The following FMN2 variants were observed in gnomAD, a reference collection of about 807,000 sequenced individuals.
The protein encoded by FMN2 is formin-2.
FMN2 carries 51 observed loss-of-function variants against 142.3 expected under a neutral mutation model. The ratio of observed to expected loss-of-function variants is 0.36; its 90% CI spans 0.29 to 0.45. The LOEUF (loss-of-function observed/expected upper bound fraction) is 0.45, where lower values mean the gene tolerates loss of function less well. Ranked by LOEUF, FMN2 falls within the 20% of genes least tolerant of loss-of-function variation. The pLI, the probability that FMN2 is intolerant of heterozygous loss-of-function variation, is 1.00. For missense variants in FMN2, 1,936 were observed against 2,122.8 expected (o/e 0.91, Z 1.73); for synonymous variants, 882 against 869.8 (o/e 1.01, Z -0.25).
At chr1:240,419,140 GACTT>G (rs1453409903) in intron 15 of FMN2, among the ~76,000 whole-genome samples, 1 of 152,034 alleles carries the variant, frequency 6.6e-6, no homozygotes, top group Non-Finnish European at 1.5e-5. Context: ...TAAATAAAAA[GACTT>G]ACAGGCAGAT....
chr1:240,220,256 C>T (rs755647343), intron 6 of FMN2, among the ~76,000 whole-genome samples: 1 of 152,168 alleles, frequency 6.6e-6, no homozygotes, highest in Non-Finnish European at 1.5e-5. Flanking sequence ...GCAAGAGTCT[C>T]TGACAGTTGA....
At chr1:240,122,069 T>TTAAA (rs1001916885) in intron 1 of FMN2, among the ~76,000 whole-genome samples, 4 of 144,158 alleles carry the variant, frequency 2.8e-5, no homozygotes, top group Non-Finnish European at 6.1e-5. Flanking sequence ...CCAAAATTAA[T>TTAAA]TAATTAATTT....
At position 240,329,487 on chromosome 1, in the gene FMN2, A is replaced by G; in HGVS notation, c.4437+19A>G. 1 of 1,607,972 alleles carries G rather than the reference A, an allele frequency of 6.2e-7. No individual in the cohort carries two copies. ...GTGTGAGGTGAGTTCTGGTCCAAAG[A>G]GAGCTGAACTTGAGTCTCATTTAAT... On this transcript the variant is annotated intron_variant, in intron 10 of 17. Transcript: ENST00000319653.
Position 240,110,097 on chromosome 1 carries a change from T to G in FMN2, c.1616-13082T>G, listed in dbSNP as rs577101760. On this transcript the variant is annotated intron_variant, in intron 1 of 17. Coordinates refer to ENST00000319653, the MANE Select transcript of FMN2 (RefSeq NM_020066.5). ...GGCTTTGGTTGTTGTAAGTAGGTTGTTAGCCCCTGCAGGGCACAGACCGCA... is the reference window on the plus strand; with the variant it reads ...GGCTTTGGTTGTTGTAAGTAGGTTGGTAGCCCCTGCAGGGCACAGACCGCA... Among the ~76,000 whole-genome samples, 3 of 152,328 alleles carry G rather than the reference T, an allele frequency of 2.0e-5. No individual in the cohort carries two copies. In the East Asian group the frequency reaches 5.8e-4, roughly 29 times the overall value.
At chr1:240,315,587 G>C (rs1388089082) in intron 8 of FMN2, among the ~76,000 whole-genome samples, 1 of 152,188 alleles carries the variant, frequency 6.6e-6, no homozygotes, top group African/African-American at 2.4e-5. Flanking sequence ...ACATACAAGT[G>C]TTCAAGACTT....
Position 240,228,303 on chromosome 1 carries a change from C to CAA in FMN2, c.4065+17096_4065+17097dup, listed in dbSNP as rs577421634. On this transcript the variant is annotated intron_variant, in intron 6 of 17. Coordinates refer to ENST00000319653, the MANE Select transcript of FMN2 (RefSeq NM_020066.5). ...GGGCAACAAGAGTGAAACTCTGTCTCAAAAAAAAAAAAAAAAAAAAAAAAA... is the reference window on the plus strand; with the variant it reads ...GGGCAACAAGAGTGAAACTCTGTCTCAAAAAAAAAAAAAAAAAAAAAAAAAAA... Among the ~76,000 whole-genome samples the CAA allele has an allele frequency of 8.2e-3, 393 of 47,726 alleles. 29 individuals carry two copies. Among genetic ancestry groups the CAA allele is most frequent in the Non-Finnish European group, 0.014 (304 of 22,452 alleles). The allele number at this position is 47,726 out of a possible 152,430, so 31.3% of individuals were successfully genotyped here.
chr1:240,100,530 TA>T (rs1417466671), intron 1 of FMN2, among the ~76,000 whole-genome samples: 1 of 152,176 alleles, frequency 6.6e-6, no homozygotes, highest in Non-Finnish European at 1.5e-5. Flanking sequence ...TAAAGCAAGG[TA>T]GTCATAACAT....
chr1:240,337,854 T>C (rs1007645484), intron 13 of FMN2, among the ~76,000 whole-genome samples: 6 of 152,228 alleles, frequency 3.9e-5, no homozygotes, highest in Non-Finnish European at 7.3e-5. Flanking sequence ...GTTTAGTTTC[T>C]CTGCTCACTC....
rs1661022334 is a variant in FMN2, at chr1:240,092,562, G to A, written c.453G>A (p.Glu151=). 7 of 1,613,274 alleles carry A rather than the reference G, an allele frequency of 4.3e-6. No individual in the cohort carries two copies. The highest frequency in any genetic ancestry group is 5.9e-6 in the Non-Finnish European group (7 of 1,179,844). The part of the protein sequence containing the change: ...VTGPGGPGPA[E]ARVGGRPIAE... ...GTCCAGGGGGTCCTGGGCCTGCCGA[G>A]GCTAGGGTCGGGGGCCGGCCGATCG... The change falls in exon 1 of 18, where the codon GAG becomes GAA. Residue 151 remains glutamate (E), a synonymous_variant. Transcript: ENST00000319653.
intron 8 of FMN2, among the ~76,000 whole-genome samples, chr1:240,318,248 C>T (rs1373691356): frequency 6.6e-6 from 1 of 152,256 alleles, no homozygotes; most frequent in South Asian, 2.1e-4. Context: ...CACTTCATAG[C>T]GCTGGAGTGA....
intron 6 of FMN2, among the ~76,000 whole-genome samples, chr1:240,227,720 G>T (rs1455095076): frequency 6.6e-6 from 1 of 152,096 alleles, no homozygotes; most frequent in African/African-American, 2.4e-5. Flanking sequence ...TTCAACAAAT[G>T]GTGTTGGGAC....
rs959372052 is a variant in FMN2 at position 240,257,940 on chromosome 1, A to G, written c.4066-5A>G. 1 of 1,611,872 alleles carries G rather than the reference A, an allele frequency of 6.2e-7. No individual in the cohort carries two copies. Among genetic ancestry groups the G allele is most frequent in the Middle Eastern group, 1.7e-4 (1 of 6,054 alleles). ...TTTTCCCCTTTTACTTTCTTTCTCG[A>G]GCAGGTTGTCAAGTTATTAAGCAAC... On this transcript the variant is annotated splice_polypyrimidine_tract_variant and splice_region_variant and intron_variant, in intron 6 of 17. Coordinates refer to ENST00000319653, the MANE Select transcript of FMN2 (RefSeq NM_020066.5).
chr1:240,381,173 C>A (rs559048235), intron 14 of FMN2, among the ~76,000 whole-genome samples: 1 of 152,024 alleles, frequency 6.6e-6, no homozygotes. Flanking sequence ...AACAGTATGA[C>A]CCTGGTACCA....
At chr1:240,226,542 A>G (rs1350121683) in intron 6 of FMN2, among the ~76,000 whole-genome samples, 1 of 152,182 alleles carries the variant, frequency 6.6e-6, no homozygotes, top group Non-Finnish European at 1.5e-5. Context: ...AGAAAGTTCA[A>G]GTTGAACGAA....
intron 16 of FMN2, among the ~76,000 whole-genome samples, chr1:240,449,168 A>T (rs1675923556): frequency 1.3e-5 from 2 of 151,688 alleles, no homozygotes. Flanking sequence ...TGGTTAAAGT[A>T]CATAAGAAGA....
At chr1:240,221,021 T>C (rs1667092575) in intron 6 of FMN2, among the ~76,000 whole-genome samples, 1 of 152,182 alleles carries the variant, frequency 6.6e-6, no homozygotes, top group Admixed American at 6.5e-5. Flanking sequence ...TCCAGCTTCA[T>C]CCATGTCTCT....
chr1:240,425,795 CTT>C (rs1035755195), intron 15 of FMN2, among the ~76,000 whole-genome samples: 2 of 152,164 alleles, frequency 1.3e-5, no homozygotes, highest in African/African-American at 4.8e-5. Context: ...TACCTTGACT[CTT>C]TGATTTGTTG....
At chr1:240,381,053 G>C (rs143745798) in intron 14 of FMN2, among the ~76,000 whole-genome samples, 3 of 152,106 alleles carry the variant, frequency 2.0e-5, no homozygotes, top group South Asian at 2.1e-4. Context: ...CCCAGAACCA[G>C]ACAGATGAAC....
chr1:240,172,717 G>A (rs972655278), intron 2 of FMN2, among the ~76,000 whole-genome samples: 1 of 151,982 alleles, frequency 6.6e-6, no homozygotes, highest in African/African-American at 2.4e-5. Context: ...TCTTTAAATA[G>A]TTAATTACCA....
Sources: gnomAD v4.1 joint callset for allele counts (sites outside exome capture counted in the v4.1 genomes callset) on GRCh38, gnomAD v4.1.1 for gene constraint, MANE v1.5 for transcripts, NCBI Gene and HGNC (gene_info 2026-07-23, HGNC 2026-07-21) for gene names.